U2SURP: variants seen among roughly 807,000 people sequenced by gnomAD.
U2SURP encodes the protein U2 snRNP associated SURP domain containing, also known as U2 snRNP-associated SURP motif-containing protein.
A neutral mutation model predicts 144.9 loss-of-function variants in U2SURP; 9 were observed. That is an observed-to-expected ratio of 0.06 (90% CI 0.04 to 0.11). The LOEUF (loss-of-function observed/expected upper bound fraction) is 0.11. Ranked by LOEUF, U2SURP falls within the 10% of genes least tolerant of loss-of-function variation. U2SURP has a pLI of 1.00. For synonymous variants in U2SURP, 408 were observed against 396.8 expected, an observed-to-expected ratio of 1.03 and a Z score of -0.33; for missense variants, 724 against 1,226.7, an observed-to-expected ratio of 0.59 and a Z score of 6.12.
chr3:143,055,047 C>G lies in U2SURP; in HGVS notation c.2879C>G (p.Ser960Cys). The G allele has an allele frequency of 6.2e-7, 1 of 1,608,144 alleles. No homozygotes were observed. The highest frequency in any genetic ancestry group is 8.5e-7 in the Non-Finnish European group (1 of 1,177,310). The change falls in exon 27 of 28, where the codon TCT (serine) becomes TGT (cysteine). Residue 960 changes from serine (S) to cysteine (C), a missense_variant. Ser to Cys is a moderately radical substitution (Grantham distance 112). This residue lies in a region of U2SURP where 129 missense variants were observed against 196.1 expected (regional missense o/e 0.66). Coordinates refer to ENST00000473835, the MANE Select transcript of U2SURP (RefSeq NM_001080415.2). ...KSERSERSERSHKESSRSRSS... is the reference protein window; with the variant it reads ...KSERSERSERCHKESSRSRSS... Reference sequence around the variant, plus strand: ...GAGCGATCAGAGCGTTCAGAAAGATCTCATAAAGAGAGCTCACGGTCCAGG... The same window carrying G: ...GAGCGATCAGAGCGTTCAGAAAGATGTCATAAAGAGAGCTCACGGTCCAGG...
intron 3 of U2SURP, among the ~76,000 whole-genome samples, chr3:143,014,045 C>T (rs1189045107): frequency 7.6e-6 from 1 of 130,890 alleles, no homozygotes; most frequent in Non-Finnish European, 1.6e-5. Context: ...GTGTCAGTCT[C>T]TTCTATTTTT....
chr3:143,012,968 T>G (rs964237699), intron 3 of U2SURP, among the ~76,000 whole-genome samples: 2 of 152,180 alleles, frequency 1.3e-5, no homozygotes, highest in African/African-American at 4.8e-5. Context: ...TTGTTTAATA[T>G]TTCTAGGCAT....
rs1173947672 is a variant in U2SURP, at chr3:143,005,554, G to A, written c.45+3881G>A. ...TTGTTTTGGTCTGGAAGGTAGAACT[G>A]AACTTCCTTCCATTTTCTCGATTGA... On this transcript the variant is annotated intron_variant, in intron 1 of 27. Transcript: ENST00000473835. Among the ~76,000 whole-genome samples the A allele has an allele frequency of 2.0e-5, 3 of 152,136 alleles. No individual in the cohort carries two copies. The East Asian group carries it at 5.8e-4, about 29-fold the overall frequency.
intron 1 of U2SURP, among the ~76,000 whole-genome samples, chr3:143,009,791 G>C (rs1936030624): frequency 6.6e-6 from 1 of 152,088 alleles, no homozygotes; most frequent in African/African-American, 2.4e-5. Flanking sequence ...AAACAATACT[G>C]TATGGATCTT....
intron 25 of U2SURP, among the ~76,000 whole-genome samples, 200 bp downstream of exon 25, chr3:143,051,249 T>C (rs1483855766): frequency 1.3e-5 from 2 of 152,220 alleles, no homozygotes; most frequent in South Asian, 2.1e-4. Flanking sequence ...AGCAGCACAC[T>C]ATTTTATTCT....
intron 14 of U2SURP, 124 bp from the exon 15 acceptor site, chr3:143,028,216 G>A (rs888472956): frequency 3.5e-6 from 4 of 1,140,852 alleles, no homozygotes; most frequent in Non-Finnish European, 5.0e-6. Context: ...TTCTCTTCAG[G>A]GATCTTTGTT....
chr3:143,012,343 A>C lies in U2SURP; in HGVS notation c.212A>C (p.Asn71Thr). Residue 71 changes from asparagine (N) to threonine (T), a missense_variant, in exon 3 of 28, where the codon AAT becomes ACT. Asn to Thr is a moderately conservative substitution (Grantham distance 65). Around this residue, in one of 13 missense-constraint regions of U2SURP, gnomAD observed 127 missense variants for 98.2 expected, o/e 1.29. Coordinates refer to ENST00000473835, the MANE Select transcript of U2SURP (RefSeq NM_001080415.2). ...RESLCDSPHQ[N>T]LSRPLLENKL... Reference sequence around the variant, plus strand: ...AGCCTTTGTGATTCTCCTCATCAGAATCTCTCAAGAGTGAGTATAGATAAG... The same window carrying C: ...AGCCTTTGTGATTCTCCTCATCAGACTCTCTCAAGAGTGAGTATAGATAAG... 5.6e-6 allele frequency: 9 copies of C among 1,611,556 alleles called. No individual in the cohort carries two copies. The highest frequency in any genetic ancestry group is 1.7e-4 in the Middle Eastern group (1 of 6,060).
At chr3:143,021,326 T>C (rs754410733) in intron 8 of U2SURP, 24 bp from the exon 9 acceptor site, 2 of 1,574,064 alleles carry the variant, frequency 1.3e-6, no homozygotes, top group East Asian at 2.3e-5. Flanking sequence ...AAACTAATAA[T>C]TGTCTTCTTT....
At position 143,028,477 on chromosome 3, in the gene U2SURP, T is replaced by C; in HGVS notation, c.1447-6T>C. On this transcript the variant is annotated splice_polypyrimidine_tract_variant and splice_region_variant and intron_variant, in intron 15 of 27. Transcript: ENST00000473835. ...GACCTTTATAATAACTCTAAATGTT[T>C]GTTAGGGAGATTCTCCAACTAAATG... is the stretch of plus-strand genomic sequence containing the variant. 6.3e-7 allele frequency: 1 copy of C among 1,596,128 alleles called. No individual in the cohort carries two copies. Among genetic ancestry groups the C allele is most frequent in the Non-Finnish European group, 8.5e-7 (1 of 1,175,104 alleles).
chr3:143,056,163 C>T, intron 27 of U2SURP, 149 bp from the exon 28 acceptor site: 1 of 727,532 alleles, frequency 1.4e-6, no homozygotes, highest in Non-Finnish European at 2.2e-6. Flanking sequence ...TGTGTGTGTA[C>T]AATAGAGTTT....
At chr3:143,012,469 T>C in intron 3 of U2SURP, 116 bp downstream of exon 3, 1 of 1,003,342 alleles carries the variant, frequency 1.0e-6, no homozygotes, top group Non-Finnish European at 1.3e-6. Context: ...TCTTATTCTA[T>C]TTGAAAATAG....
chr3:143,011,767 T>C (rs1936129257), intron 2 of U2SURP, among the ~76,000 whole-genome samples: 1 of 152,180 alleles, frequency 6.6e-6, no homozygotes, highest in African/African-American at 2.4e-5. Flanking sequence ...ATCTTTTGTG[T>C]AGTTCGTCTT....
intron 18 of U2SURP, among the ~76,000 whole-genome samples, chr3:143,033,711 C>T (rs1022060010): frequency 6.6e-6 from 1 of 152,104 alleles, no homozygotes; most frequent in Non-Finnish European, 1.5e-5. Flanking sequence ...CAATCAGGAA[C>T]TTGAGCATCT....
At chr3:143,038,300 C>A in intron 22 of U2SURP, 97 bp downstream of exon 22, 4 of 872,888 alleles carry the variant, frequency 4.6e-6, no homozygotes, top group South Asian at 4.6e-5. Flanking sequence ...TTTTATAACA[C>A]GTTTTAACCT....
intron 13 of U2SURP, chr3:143,024,366 A>G: frequency 2.7e-6 from 1 of 372,276 alleles, no homozygotes; most frequent in Non-Finnish European, 5.1e-6. Context: ...AGTTTGACCC[A>G]ATCTGTTGTT....
chr3:143,039,680 T>G (rs549700014), intron 23 of U2SURP, among the ~76,000 whole-genome samples: 177 of 151,658 alleles, frequency 1.2e-3, no homozygotes, highest in Non-Finnish European at 1.7e-3. Context: ...CTTTAAAAAT[T>G]TTGCGTTCTT....
intron 23 of U2SURP, among the ~76,000 whole-genome samples, chr3:143,040,585 A>G (rs1039628302): frequency 2.6e-4 from 39 of 151,868 alleles, no homozygotes; most frequent in African/African-American, 9.2e-4. Flanking sequence ...GAGAAAAGTT[A>G]CAAAAAGCAG....
chr3:143,018,093 G>A (rs1311091513), intron 6 of U2SURP, among the ~76,000 whole-genome samples: 1 of 152,064 alleles, frequency 6.6e-6, no homozygotes, highest in East Asian at 1.9e-4. Context: ...GTGTACAATT[G>A]AGTGGTTTTA....
intron 6 of U2SURP, among the ~76,000 whole-genome samples, chr3:143,018,308 T>C (rs1418097506): frequency 6.6e-6 from 1 of 152,212 alleles, no homozygotes; most frequent in Non-Finnish European, 1.5e-5. Context: ...ACGTGGTCTT[T>C]TGTATCTGGC....
Sources: allele counts gnomAD v4.1 joint callset (sites outside exome capture counted in the v4.1 genomes callset), GRCh38; gene constraint gnomAD v4.1.1; regional missense constraint gnomAD v4.1.1; transcripts MANE v1.5; gene names NCBI Gene and HGNC (gene_info 2026-07-23, HGNC 2026-07-21).